The following PAPPA variants were observed in gnomAD, a reference collection of about 807,000 sequenced individuals.
PAPPA encodes pappalysin-1.
PAPPA carries 60 observed loss-of-function variants against 164.0 expected under a neutral mutation model. The ratio of observed to expected loss-of-function variants is 0.37; its 90% CI spans 0.30 to 0.45. PAPPA has a LOEUF of 0.45. PAPPA is among the 20% of genes least tolerant of loss of function. PAPPA has a pLI of 1.00. For missense variants in PAPPA, 1,782 were observed against 2,087.3 expected (o/e 0.85, Z 2.85); for synonymous variants, 875 against 814.1 (o/e 1.07, Z -1.27).
chr9:116,209,589 G>A (rs989841778), intron 3 of PAPPA, among the ~76,000 whole-genome samples: 2 of 152,280 alleles, frequency 1.3e-5, no homozygotes, highest in African/African-American at 4.8e-5. Flanking sequence ...ATGATGTCAG[G>A]CTCAAGCTAT....
At chr9:116,340,543 G>A (rs183126429) in intron 13 of PAPPA, among the ~76,000 whole-genome samples, 3 of 152,348 alleles carry the variant, frequency 2.0e-5, no homozygotes, top group African/African-American at 7.2e-5. Flanking sequence ...ATAAGGTGAT[G>A]TAGGTGAAAC....
chr9:116,171,769 A>G (rs1178390867), intron 1 of PAPPA, among the ~76,000 whole-genome samples: 1 of 152,062 alleles, frequency 6.6e-6, no homozygotes, highest in Admixed American at 6.5e-5. Flanking sequence ...TGAACTGGAG[A>G]GGCAGTCAGA....
chr9:116,314,605 A>G (rs1845763889), intron 10 of PAPPA, among the ~76,000 whole-genome samples: 1 of 152,208 alleles, frequency 6.6e-6, no homozygotes, highest in Non-Finnish European at 1.5e-5. Context: ...CTTAGCAGAC[A>G]AGGCCATGCA....
At chr9:116,165,477 A>G (rs1843710589) in intron 1 of PAPPA, among the ~76,000 whole-genome samples, 1 of 152,138 alleles carries the variant, frequency 6.6e-6, no homozygotes, top group African/African-American at 2.4e-5. Flanking sequence ...TATAATGTTT[A>G]TAGACAAACT....
In PAPPA at chr9:116,332,275, G is replaced by A; in HGVS notation, c.3262-58G>A. On this transcript the variant is annotated intron_variant, in intron 11 of 21. Transcript: ENST00000328252. ...TCCTCAAATGCACCCCAATGTGGCTGCCTCCCCACCACATGACTGAGTGCA... is the reference window on the plus strand; with the variant it reads ...TCCTCAAATGCACCCCAATGTGGCTACCTCCCCACCACATGACTGAGTGCA... 6.6e-6 allele frequency: 10 copies of A among 1,523,052 alleles called. No individual in the cohort carries two copies. The South Asian group carries it at 1.1e-4, about 16-fold the overall frequency. 94.3% of individuals were successfully genotyped at this position (1,523,052 alleles called of 1,614,324 possible).
In PAPPA at chr9:116,268,398, CAG is replaced by C. The variant is rs1845096588; in HGVS notation, c.2861+2416_2861+2417del. Among the ~76,000 whole-genome samples the C allele has an allele frequency of 2.0e-5, 3 of 152,306 alleles. No individual in the cohort carries two copies. The South Asian group carries it at 6.2e-4, about 32-fold the overall frequency. ...TCTGATGGAACATTGAACAACTAAA[CAG>C]AGGACTCTCCATGGAGAAAGTACCC... On this transcript the variant is annotated intron_variant, in intron 8 of 21. Transcript: ENST00000328252.
intron 9 of PAPPA, chr9:116,286,933 C>A (rs1474038010): frequency 1.3e-5 from 2 of 152,078 alleles, no homozygotes; most frequent in African/African-American, 4.8e-5. Context: ...GTCATTGACA[C>A]CAGCTAATTA....
intron 15 of PAPPA, among the ~76,000 whole-genome samples, chr9:116,351,965 G>A (rs1180810531): frequency 2.0e-5 from 3 of 152,252 alleles, no homozygotes; most frequent in Admixed American, 6.5e-5. Flanking sequence ...GGTTTTAGGC[G>A]GGCTGTGCCT....
intron 9 of PAPPA, among the ~76,000 whole-genome samples, chr9:116,287,782 C>T (rs1845358957): frequency 6.6e-6 from 1 of 152,126 alleles, no homozygotes; most frequent in African/African-American, 2.4e-5. Flanking sequence ...ATTCTTTGAC[C>T]ATATCCTACC....
chr9:116,373,932 T>C (rs755951480), intron 19 of PAPPA, among the ~76,000 whole-genome samples: 14 of 152,136 alleles, frequency 9.2e-5, no homozygotes, highest in Non-Finnish European at 1.9e-4. Context: ...ACGGTGAGAA[T>C]TAAATGAGAT....
intron 2 of PAPPA, among the ~76,000 whole-genome samples, chr9:116,201,022 A>G (rs1250819316): frequency 1.3e-5 from 2 of 152,224 alleles, no homozygotes; most frequent in Non-Finnish European, 2.9e-5. Flanking sequence ...CAAGATTCCA[A>G]GAATTTAATA....
At chr9:116,275,474 C>T (rs1233051588) in intron 9 of PAPPA, among the ~76,000 whole-genome samples, 1 of 152,156 alleles carries the variant, frequency 6.6e-6, no homozygotes, top group Non-Finnish European at 1.5e-5. Context: ...GACATCTTAA[C>T]TTGCACCAGG....
At chr9:116,266,055 A>T in intron 8 of PAPPA, 70 bp downstream of exon 8, 1 of 1,383,294 alleles carries the variant, frequency 7.2e-7, no homozygotes, top group South Asian at 1.4e-5. Context: ...AGGGTGCTGA[A>T]CAGAAGAGCT....
At chr9:116,179,254 A>C (rs1291569221) in intron 1 of PAPPA, among the ~76,000 whole-genome samples, 1 of 152,198 alleles carries the variant, frequency 6.6e-6, no homozygotes, top group Non-Finnish European at 1.5e-5. Flanking sequence ...GTGCTTTCAG[A>C]TAACAGTTCC....
chr9:116,390,692 TC>T (rs1307073333), intron 21 of PAPPA, among the ~76,000 whole-genome samples: 4 of 125,978 alleles, frequency 3.2e-5, no homozygotes, highest in African/African-American at 1.1e-4. Flanking sequence ...ACCCTCTGCC[TC>T]CCCCTGCCCC....
intron 9 of PAPPA, among the ~76,000 whole-genome samples, chr9:116,274,470 G>C (rs1430466596): frequency 6.6e-6 from 1 of 152,214 alleles, no homozygotes; most frequent in Non-Finnish European, 1.5e-5. Context: ...AATCTTTAAT[G>C]AGTCAGAGAA....
Position 116,362,786 on chromosome 9 carries a change from A to C in PAPPA, c.4495+47A>C, listed in dbSNP as rs3747827. ...AGCAGTAGGAGGGGCAATTCCTTCC[A>C]GCAATGCAGGGCTAATGCCTGGGTG... On this transcript the variant is annotated intron_variant, in intron 18 of 21. Coordinates refer to ENST00000328252, the MANE Select transcript of PAPPA (RefSeq NM_002581.5). 138 of 1,586,032 alleles carry C rather than the reference A, an allele frequency of 8.7e-5. No homozygotes were observed. In the East Asian group the frequency reaches 3.1e-3, roughly 35 times the overall value.
chr9:116,209,663 G>A (rs1202769595), intron 3 of PAPPA, among the ~76,000 whole-genome samples: 1 of 152,154 alleles, frequency 6.6e-6, no homozygotes, highest in East Asian at 1.9e-4. Context: ...CTGTGAAAAG[G>A]GGTGAGTTGG....
At chr9:116,222,336 C>T (rs1844456720) in intron 5 of PAPPA, among the ~76,000 whole-genome samples, 1 of 152,090 alleles carries the variant, frequency 6.6e-6, no homozygotes, top group South Asian at 2.1e-4. Context: ...AATATGTATT[C>T]AGCATTGCTT....
Sources: gnomAD v4.1 joint callset for allele counts (sites outside exome capture counted in the v4.1 genomes callset) on GRCh38, gnomAD v4.1.1 for gene constraint, MANE v1.5 for transcripts, NCBI Gene and HGNC (gene_info 2026-07-23, HGNC 2026-07-21) for gene names.